The following RNF212B variants were observed in gnomAD, a reference collection of about 807,000 sequenced individuals.
RNF212B encodes the protein ring finger protein 212B.
RNF212B carries 52 observed loss-of-function variants against 55.5 expected under a neutral mutation model. The ratio of observed to expected loss-of-function variants is 0.94; its 90% CI spans 0.75 to 1.18. The LOEUF (loss-of-function observed/expected upper bound fraction) is 1.18, where lower values mean the gene tolerates loss of function less well. Ranked by LOEUF, RNF212B falls within the 50% of genes most tolerant of loss-of-function variation. RNF212B has a pLI of 0.00. For synonymous variants in RNF212B, 99 were observed against 121.4 expected (o/e 0.82, Z 1.21); for missense variants, 289 against 350.4 (o/e 0.82, Z 1.40).
At chr14:23,229,327 G>A (rs1882353935) in intron 2 of RNF212B, among the ~76,000 whole-genome samples, 1 of 142,950 alleles carries the variant, frequency 7.0e-6, no homozygotes. Flanking sequence ...TGGTTATTGT[G>A]AATAATGCTG....
At chr14:23,187,595 AT>A (rs199843559) in intron 1 of RNF212B, among the ~76,000 whole-genome samples, 3 of 151,798 alleles carry the variant, frequency 2.0e-5, no homozygotes, top group African/African-American at 4.8e-5. Context: ...TCCATTCCTG[AT>A]TTTTTTTTCT....
intron 2 of RNF212B, among the ~76,000 whole-genome samples, chr14:23,194,488 A>G (rs1260256649): frequency 6.6e-6 from 1 of 152,164 alleles, no homozygotes; most frequent in South Asian, 2.1e-4. Context: ...CTATAATCCC[A>G]GCACTTTGGG....
At chr14:23,189,675 G>T (rs558571776) in intron 1 of RNF212B, among the ~76,000 whole-genome samples, 5 of 152,156 alleles carry the variant, frequency 3.3e-5, no homozygotes, top group Admixed American at 6.5e-5. Context: ...TGGGTGTGGT[G>T]GTGCATGCCT....
At chr14:23,241,018 A>G (rs1883526994) in intron 2 of RNF212B, among the ~76,000 whole-genome samples, 1 of 152,174 alleles carries the variant, frequency 6.6e-6, no homozygotes, top group South Asian at 2.1e-4. Context: ...AAGTCTTAGA[A>G]AGGATACTTA....
intron 13 of RNF212B, 40 bp from the exon 14 acceptor site, chr14:23,270,560 C>G: frequency 6.9e-7 from 1 of 1,456,168 alleles, no homozygotes; most frequent in Non-Finnish European, 9.4e-7. Context: ...GAGAAACTGC[C>G]CAAGTAAGTT....
intron 2 of RNF212B, among the ~76,000 whole-genome samples, chr14:23,217,519 A>G (rs116877642): frequency 0.058 from 8,785 of 152,234 alleles, 305 homozygotes; most frequent in South Asian, 0.076. Flanking sequence ...TGGTTGCCAC[A>G]TGGGTGCTTG....
chr14:23,188,545 C>T (rs1308592009), intron 1 of RNF212B, among the ~76,000 whole-genome samples: 1 of 151,058 alleles, frequency 6.6e-6, no homozygotes, highest in African/African-American at 2.4e-5. Flanking sequence ...CAGCTCACTG[C>T]AACCTTGAAC....
chr14:23,248,505 G>T (rs1311636211), intron 4 of RNF212B, among the ~76,000 whole-genome samples: 2 of 139,742 alleles, frequency 1.4e-5, no homozygotes, highest in South Asian at 2.3e-4. Flanking sequence ...GCAGTGGCAC[G>T]ATCTCGGCTC....
intron 1 of RNF212B, among the ~76,000 whole-genome samples, chr14:23,238,780 A>AATCATCATCATCATCATCATC (rs780687973): frequency 6.9e-6 from 1 of 145,652 alleles, no homozygotes; most frequent in Non-Finnish European, 1.5e-5. Context: ...TAATAATAAT[A>AATCATCATCATCATCATCATC]ATCCCACAAA....
intron 1 of RNF212B, among the ~76,000 whole-genome samples, chr14:23,238,780 A>AATAATAATCATCATCATCATC (rs1343117592): frequency 8.2e-5 from 12 of 145,650 alleles, no homozygotes; most frequent in East Asian, 4.0e-4. Context: ...TAATAATAAT[A>AATAATAATCATCATCATCATC]ATCCCACAAA....
At chr14:23,258,883 G>A (rs781758883) in intron 5 of RNF212B, among the ~76,000 whole-genome samples, 8 of 151,026 alleles carry the variant, frequency 5.3e-5, no homozygotes, top group Non-Finnish European at 7.4e-5. Flanking sequence ...TCTATTTCTC[G>A]GTATCAAAAA....
intron 11 of RNF212B, among the ~76,000 whole-genome samples, chr14:23,266,458 C>A (rs1258772003): frequency 2.4e-5 from 3 of 125,934 alleles, no homozygotes; most frequent in Non-Finnish European, 4.7e-5. Context: ...GTTGCCCAGG[C>A]TGGAGTGCAG....
At chr14:23,226,217 G>A (rs1881991783) in intron 2 of RNF212B, among the ~76,000 whole-genome samples, 1 of 147,756 alleles carries the variant, frequency 6.8e-6, no homozygotes, top group East Asian at 2.0e-4. Flanking sequence ...AGAATCGCTT[G>A]AACCCAGGAG....
intron 4 of RNF212B, among the ~76,000 whole-genome samples, chr14:23,251,117 T>C (rs943481806): frequency 9.2e-5 from 14 of 152,218 alleles, no homozygotes; most frequent in Admixed American, 3.3e-4. Flanking sequence ...CCAGTTCTTA[T>C]GCCTGACGTA....
At chr14:23,231,736 C>T (rs1882629078) in intron 2 of RNF212B, among the ~76,000 whole-genome samples, 1 of 152,156 alleles carries the variant, frequency 6.6e-6, no homozygotes, top group African/African-American at 2.4e-5. Context: ...CTGCAACCTC[C>T]CTGCCTGATT....
intron 2 of RNF212B, among the ~76,000 whole-genome samples, chr14:23,210,255 A>C (rs1246989988): frequency 6.6e-6 from 1 of 152,228 alleles, no homozygotes; most frequent in Non-Finnish European, 1.5e-5. Flanking sequence ...CACATGACCC[A>C]TTTTCCTTAA....
At chr14:23,226,762 C>T (rs1882062800) in intron 2 of RNF212B, among the ~76,000 whole-genome samples, 2 of 151,350 alleles carry the variant, frequency 1.3e-5, no homozygotes, top group South Asian at 4.2e-4. Flanking sequence ...CCTCCCCTCC[C>T]GTCTCCTCTC....
chr14:23,213,237 C>T (rs28474668), intron 2 of RNF212B, among the ~76,000 whole-genome samples: 1 of 151,314 alleles, frequency 6.6e-6, no homozygotes, highest in Non-Finnish European at 1.5e-5. Flanking sequence ...GGCGTGAACC[C>T]GTGAGGCGGA....
chr14:23,257,198 A>C (rs868586894), intron 4 of RNF212B, among the ~76,000 whole-genome samples: 2 of 152,132 alleles, frequency 1.3e-5, no homozygotes, highest in African/African-American at 4.8e-5. Flanking sequence ...ATTATTTTTC[A>C]TAGAGACAGG....
Sources: gnomAD v4.1 joint callset for allele counts (sites outside exome capture counted in the v4.1 genomes callset) on GRCh38, gnomAD v4.1.1 for gene constraint, MANE v1.5 for transcripts, NCBI Gene and HGNC (gene_info 2026-07-23, HGNC 2026-07-21) for gene names.